The following DDX10 variants were observed in gnomAD, a reference collection of about 807,000 sequenced individuals.
The protein encoded by DDX10 is probable ATP-dependent RNA helicase DDX10.
DDX10 carries 74 observed loss-of-function variants against 104.3 expected under a neutral mutation model. The observed-to-expected ratio is 0.71, with a 90% CI of 0.59 to 0.86. The LOEUF is 0.86. DDX10 is among the 40% of genes least tolerant of loss of function. The probability of loss-of-function intolerance (pLI) is 0.00; values close to 1 mark genes in which losing one functional copy is unlikely to be tolerated. For missense variants in DDX10, 952 were observed against 1,040.0 expected (o/e 0.92, Z 1.16); for synonymous variants, 351 against 353.4 (o/e 0.99, Z 0.08).
chr11:108,923,092 G>A (rs1043269196), intron 17 of DDX10, among the ~76,000 whole-genome samples: 5 of 152,190 alleles, frequency 3.3e-5, no homozygotes, highest in Non-Finnish European at 7.3e-5. Flanking sequence ...CTTTGAATAT[G>A]TGGAATAGGT....
intron 16 of DDX10, among the ~76,000 whole-genome samples, chr11:108,901,559 G>A (rs1355906873): frequency 1.3e-5 from 2 of 152,118 alleles, no homozygotes; most frequent in South Asian, 2.1e-4. Flanking sequence ...AACATTCTGG[G>A]GTTATGTTGG....
At chr11:108,741,438 A>T (rs1488207340) in intron 13 of DDX10, among the ~76,000 whole-genome samples, 4 of 151,848 alleles carry the variant, frequency 2.6e-5, no homozygotes, top group Non-Finnish European at 4.4e-5. Flanking sequence ...ATCTGTGGGG[A>T]TAGAATGTTT....
intron 17 of DDX10, among the ~76,000 whole-genome samples, chr11:108,938,511 G>A (rs1301574327): frequency 6.6e-6 from 1 of 152,160 alleles, no homozygotes; most frequent in Non-Finnish European, 1.5e-5. Flanking sequence ...AATAGATCCT[G>A]GCACTATAAC....
chr11:108,669,804 G>A (rs1004180572), intron 1 of DDX10, among the ~76,000 whole-genome samples: 1 of 152,334 alleles, frequency 6.6e-6, no homozygotes, highest in African/African-American at 2.4e-5. Flanking sequence ...TCAGAATGAC[G>A]TGATGTGAGA....
At chr11:108,914,656 G>A (rs1863722344) in intron 16 of DDX10, among the ~76,000 whole-genome samples, 1 of 151,976 alleles carries the variant, frequency 6.6e-6, no homozygotes, top group South Asian at 2.1e-4. Flanking sequence ...ATTAGACATG[G>A]AATTAAACAG....
Position 108,665,328 on chromosome 11 carries a change from A to T in DDX10, c.175A>T (p.Asn59Tyr). ...CGAGAGTATCAGCCGCCTCATGCAG[A>T]ACTATGAAAAGGTGAGGCCGGCGCT... ...ERESISRLMQ[N>Y]YEKINVNEIT... is the part of the protein sequence containing the mutation. Residue 59 changes from asparagine to tyrosine, a missense_variant, in exon 1 of 18, where the codon AAC (asparagine) becomes TAC (tyrosine). Transcript: ENST00000322536. 6.3e-7 allele frequency: 1 copy of T among 1,589,298 alleles called. No individual in the cohort carries two copies. The highest frequency in any genetic ancestry group is 8.6e-7 in the Non-Finnish European group (1 of 1,169,144).
chr11:108,733,615 C>T (rs1189701000), intron 13 of DDX10, among the ~76,000 whole-genome samples: 1 of 152,100 alleles, frequency 6.6e-6, no homozygotes, highest in African/African-American at 2.4e-5. Context: ...TGTACTTAGG[C>T]CCCTCTGACT....
At chr11:108,724,514 AAT>A (rs2094302753) in intron 13 of DDX10, among the ~76,000 whole-genome samples, 1 of 152,146 alleles carries the variant, frequency 6.6e-6, no homozygotes, top group African/African-American at 2.4e-5. Context: ...TTCTGACTTT[AAT>A]ATTTATGCTC....
At chr11:108,796,832 G>T (rs1312147612) in intron 13 of DDX10, among the ~76,000 whole-genome samples, 1 of 152,154 alleles carries the variant, frequency 6.6e-6, no homozygotes, top group Non-Finnish European at 1.5e-5. Flanking sequence ...TAATGCTACT[G>T]TTGTGTGAGT....
chr11:108,768,570 G>T (rs930811593), intron 13 of DDX10, among the ~76,000 whole-genome samples: 14 of 152,106 alleles, frequency 9.2e-5, no homozygotes, highest in Non-Finnish European at 2.1e-4. Context: ...TTGTCTTGCG[G>T]CCTGGTTATC....
chr11:108,721,200 A>G (rs1043211516), intron 12 of DDX10, among the ~76,000 whole-genome samples: 6 of 152,154 alleles, frequency 3.9e-5, no homozygotes, highest in Non-Finnish European at 8.8e-5. Flanking sequence ...TATGTTTACC[A>G]TAACAGGTAA....
intron 13 of DDX10, among the ~76,000 whole-genome samples, chr11:108,798,654 A>G (rs1861978487): frequency 6.6e-6 from 1 of 152,106 alleles, no homozygotes; most frequent in Non-Finnish European, 1.5e-5. Flanking sequence ...CAAATCTTGT[A>G]CGAGCGGTTT....
intron 13 of DDX10, among the ~76,000 whole-genome samples, chr11:108,757,094 A>T (rs1327796766): frequency 7.0e-6 from 1 of 142,168 alleles, no homozygotes; most frequent in East Asian, 1.9e-4. Context: ...GGACAGGGGA[A>T]GGCGCTGCTG....
chr11:108,914,465 A>G (rs1863719249), intron 16 of DDX10, among the ~76,000 whole-genome samples: 1 of 152,140 alleles, frequency 6.6e-6, no homozygotes, highest in South Asian at 2.1e-4. Context: ...CCCATAGGAA[A>G]CTAGAAGCCA....
chr11:108,819,860 A>G (rs1862303272), intron 13 of DDX10, among the ~76,000 whole-genome samples: 1 of 152,144 alleles, frequency 6.6e-6, no homozygotes, highest in South Asian at 2.1e-4. Flanking sequence ...CGGCCTCCCA[A>G]AGTGCTGGAG....
chr11:108,790,260 A>G (rs531668331), intron 13 of DDX10, among the ~76,000 whole-genome samples: 1 of 152,322 alleles, frequency 6.6e-6, no homozygotes, highest in South Asian at 2.1e-4. Flanking sequence ...AAAAAGAACT[A>G]TGTAAGTGGT....
rs74531788 is a variant in DDX10 at position 108,858,513 on chromosome 11, A to G, written c.2304+6304A>G. On this transcript the variant is annotated intron_variant, in intron 16 of 17. Transcript: ENST00000322536. ...GGCCTGCAGAATACAGTGAATTTCC[A>G]TTCTGCCAGACTGGATGTATCTAAC... 1.4e-3 allele frequency among the ~76,000 whole-genome samples: 214 copies of G among 152,332 alleles called. 2 individuals carry two copies. The highest frequency in any genetic ancestry group is 5.0e-3 in the African/African-American group (206 of 41,582).
At chr11:108,733,857 A>G (rs1360921461) in intron 13 of DDX10, among the ~76,000 whole-genome samples, 1 of 151,722 alleles carries the variant, frequency 6.6e-6, no homozygotes, top group African/African-American at 2.4e-5. Flanking sequence ...TTTACCTTCC[A>G]TGCTACCCTT....
intron 9 of DDX10, among the ~76,000 whole-genome samples, chr11:108,705,144 T>A (rs2094274074): frequency 6.6e-6 from 1 of 152,218 alleles, no homozygotes. Flanking sequence ...CAATCTTTCC[T>A]GCTGTTTGTG....
Sources: allele counts gnomAD v4.1 joint callset (sites outside exome capture counted in the v4.1 genomes callset), GRCh38; gene constraint gnomAD v4.1.1; transcripts MANE v1.5; gene names NCBI Gene and HGNC (gene_info 2026-07-23, HGNC 2026-07-21).